The following PRKG1 variants were observed in gnomAD, a reference collection of about 807,000 sequenced individuals.
PRKG1 encodes cGMP-dependent protein kinase 1.
In PRKG1, 35 loss-of-function variants were observed where a neutral mutation model predicts 88.1. The ratio of observed to expected loss-of-function variants is 0.40; its 90% confidence interval spans 0.30 to 0.53. PRKG1 has a LOEUF of 0.53. PRKG1 is among the 20% of genes least tolerant of loss of function. The probability of loss-of-function intolerance (pLI) is 0.59; values close to 1 mark genes in which losing one functional copy is unlikely to be tolerated. For missense variants in PRKG1, 540 were observed against 839.8 expected, an observed-to-expected ratio of 0.64 and a Z score of 4.41; for synonymous variants, 303 against 292.5, an observed-to-expected ratio of 1.04 and a Z score of -0.37.
chr10:52,280,406 C>T (rs1841978039), intron 12 of PRKG1, among the ~76,000 whole-genome samples: 1 of 152,080 alleles, frequency 6.6e-6, no homozygotes, highest in South Asian at 2.1e-4. Context: ...CTTTAAAAAA[C>T]AAATGCTTGG....
At chr10:51,151,564 T>C in intron 1 of PRKG1, among the ~76,000 whole-genome samples, 1 of 91,828 alleles carries the variant, frequency 1.1e-5, no homozygotes, top group Non-Finnish European at 2.1e-5. Context: ...TATGTTTTTG[T>C]TTTTGTTTTT....
At chr10:51,897,779 T>A (rs751558308) in intron 4 of PRKG1, among the ~76,000 whole-genome samples, 132 of 152,068 alleles carry the variant, frequency 8.7e-4, no homozygotes, top group Non-Finnish European at 1.4e-3. Context: ...CAGCCCTCCA[T>A]CCTCTGTCAT....
intron 8 of PRKG1, among the ~76,000 whole-genome samples, chr10:52,135,353 G>GGCA (rs1837379591): frequency 6.6e-6 from 1 of 152,108 alleles, no homozygotes; most frequent in Admixed American, 6.6e-5. Flanking sequence ...CAAGCATGCT[G>GGCA]GCACTGGTTC....
At chr10:51,451,759 G>T (rs1201618997) in intron 2 of PRKG1, among the ~76,000 whole-genome samples, 1 of 151,914 alleles carries the variant, frequency 6.6e-6, no homozygotes, top group Non-Finnish European at 1.5e-5. Context: ...ATAAGTATTT[G>T]TATCATCAAT....
At chr10:51,760,932 T>A (rs1469135894) in intron 3 of PRKG1, among the ~76,000 whole-genome samples, 2 of 152,170 alleles carry the variant, frequency 1.3e-5, no homozygotes, top group East Asian at 3.9e-4. Flanking sequence ...CTAGCCAACA[T>A]GGTGAAATGC....
At chr10:51,275,439 G>C (rs1050079999) in intron 2 of PRKG1, among the ~76,000 whole-genome samples, 5 of 152,154 alleles carry the variant, frequency 3.3e-5, no homozygotes, top group African/African-American at 1.2e-4. Flanking sequence ...TTTGGAAAAT[G>C]TCTTTGCACA....
intron 3 of PRKG1, among the ~76,000 whole-genome samples, chr10:51,561,752 T>G (rs1314924908): frequency 1.3e-5 from 2 of 152,128 alleles, no homozygotes; most frequent in African/African-American, 4.8e-5. Flanking sequence ...CACCTCATGT[T>G]TGTAACAGGA....
intron 2 of PRKG1, among the ~76,000 whole-genome samples, chr10:51,394,516 ATTT>A (rs910982756): frequency 3.5e-4 from 53 of 152,336 alleles, no homozygotes; most frequent in African/African-American, 1.3e-3. Context: ...AAAAACCTGG[ATTT>A]TAAGAGGCAG....
intron 3 of PRKG1, among the ~76,000 whole-genome samples, chr10:51,607,595 G>T (rs964021560): frequency 1.3e-5 from 2 of 152,138 alleles, no homozygotes; most frequent in Non-Finnish European, 2.9e-5. Flanking sequence ...CTCCTATCTG[G>T]TAAATAATAC....
At chr10:52,239,255 G>T (rs1288098060) in intron 9 of PRKG1, among the ~76,000 whole-genome samples, 1 of 142,030 alleles carries the variant, frequency 7.0e-6, no homozygotes, top group Admixed American at 7.3e-5. Context: ...GCACCGGCAT[G>T]GCACATGTAT....
intron 5 of PRKG1, among the ~76,000 whole-genome samples, chr10:52,032,474 C>T (rs1280228361): frequency 6.6e-6 from 1 of 152,032 alleles, no homozygotes; most frequent in Non-Finnish European, 1.5e-5. Context: ...CACTGTCTAG[C>T]TTGTGATAAA....
intron 2 of PRKG1, among the ~76,000 whole-genome samples, chr10:51,453,997 C>G (rs114716477): frequency 0.027 from 4,165 of 152,076 alleles, 192 homozygotes; most frequent in African/African-American, 0.094. Context: ...CATTTTACAA[C>G]AGCTGCTCAA....
At chr10:51,172,370 A>G (rs1302095548) in intron 2 of PRKG1, among the ~76,000 whole-genome samples, 1 of 152,088 alleles carries the variant, frequency 6.6e-6, no homozygotes, top group Non-Finnish European at 1.5e-5. Flanking sequence ...AATAAAGACT[A>G]TTTTGAAGAT....
intron 2 of PRKG1, among the ~76,000 whole-genome samples, chr10:51,341,589 C>G (rs570642354): frequency 1.3e-5 from 2 of 152,240 alleles, no homozygotes; most frequent in East Asian, 3.9e-4. Flanking sequence ...CAACTCGTTC[C>G]ATATTGTTTT....
rs1445974295 is a variant in PRKG1 at position 52,054,827 on chromosome 10, TTAAAA to T, written c.840+270_840+274del. On this transcript the variant is annotated intron_variant, in intron 6 of 17. Transcript: ENST00000373980. ...TGTGTGAATAGAAAGATCTCCATAA[TTAAAA>T]TAATATAATAAAAAAATACCGGCTG... Among the ~76,000 whole-genome samples the T allele has an allele frequency of 5.9e-5, 9 of 152,202 alleles. No homozygotes were observed. In the East Asian group the frequency reaches 1.4e-3, roughly 23 times the overall value.
chr10:51,934,388 G>A (rs1842760893), intron 5 of PRKG1, among the ~76,000 whole-genome samples: 3 of 151,964 alleles, frequency 2.0e-5, no homozygotes, highest in Admixed American at 1.3e-4. Context: ...AATTCTATTA[G>A]GGAAATTTGT....
intron 1 of PRKG1, among the ~76,000 whole-genome samples, chr10:51,098,863 T>C (rs1408201275): frequency 6.6e-6 from 1 of 152,132 alleles, no homozygotes; most frequent in Non-Finnish European, 1.5e-5. Flanking sequence ...TAGCGAACTT[T>C]CCCTGGGTAA....
At chr10:52,292,475 A>G (rs995445825) in intron 17 of PRKG1, among the ~76,000 whole-genome samples, 26 of 151,884 alleles carry the variant, frequency 1.7e-4, no homozygotes, top group African/African-American at 6.3e-4. Flanking sequence ...TCAGCTTTCT[A>G]CATATGGCTA....
intron 7 of PRKG1, among the ~76,000 whole-genome samples, chr10:52,122,059 G>A (rs1847832677): frequency 6.6e-6 from 1 of 152,196 alleles, no homozygotes; most frequent in Non-Finnish European, 1.5e-5. Context: ...AAAGAACAGA[G>A]ATTAACTTGT....
Sources: gnomAD v4.1 joint callset for allele counts (sites outside exome capture counted in the v4.1 genomes callset) on GRCh38, gnomAD v4.1.1 for gene constraint, MANE v1.5 for transcripts, NCBI Gene and HGNC (gene_info 2026-07-23, HGNC 2026-07-21) for gene names.